Variants in GALNT18 observed in about 807,000 individuals in gnomAD.
GALNT18 encodes GalNAc-transferase 18.
In GALNT18, 44 loss-of-function variants were observed where a neutral mutation model predicts 69.5. The observed-to-expected ratio is 0.63, with a 90% CI of 0.50 to 0.81. GALNT18 has a LOEUF of 0.81. GALNT18 is among the 40% of genes least tolerant of loss of function. The pLI is 0.00. For missense variants in GALNT18, 715 were observed against 810.0 expected, an observed-to-expected ratio of 0.88 and a Z score of 1.42; for synonymous variants, 364 against 318.2, an observed-to-expected ratio of 1.14 and a Z score of -1.53.
chr11:11,608,115 A>G (rs1013870364), intron 1 of GALNT18, among the ~76,000 whole-genome samples: 1 of 152,166 alleles, frequency 6.6e-6, no homozygotes, highest in African/African-American at 2.4e-5. Context: ...GCTCCCCTGG[A>G]GCCTAACTTA....
intron 9 of GALNT18, among the ~76,000 whole-genome samples, chr11:11,325,939 C>T (rs768683540): frequency 3.9e-5 from 6 of 152,004 alleles, no homozygotes; most frequent in Non-Finnish European, 7.4e-5. Flanking sequence ...GTGACATACA[C>T]GTCATGATGT....
rs1031621683 is a variant in GALNT18 at position 11,338,971 on chromosome 11, A to G, written c.1278+1848T>C. ...AATCCTATAGGTTAAAGACCTTAAAATGTCCATTAAATTAAGCATTTGGGA... is the reference window on the plus strand; with the variant it reads ...AATCCTATAGGTTAAAGACCTTAAAGTGTCCATTAAATTAAGCATTTGGGA... On this transcript the variant is annotated intron_variant, in intron 7 of 10. Coordinates refer to ENST00000227756, the MANE Select transcript of GALNT18 (RefSeq NM_198516.3). This position sits in a 1 kb window ranked among gnomAD's most constrained non-coding sequence, Gnocchi z 5.3. 1.4e-4 allele frequency among the ~76,000 whole-genome samples: 21 copies of G among 152,136 alleles called. No individual in the cohort carries two copies. Among genetic ancestry groups the G allele is most frequent in the Non-Finnish European group, 2.9e-4 (20 of 68,020 alleles).
At chr11:11,271,738 A>G (rs1376044553) in intron 10 of GALNT18, among the ~76,000 whole-genome samples, 3 of 152,160 alleles carry the variant, frequency 2.0e-5, no homozygotes, top group African/African-American at 7.2e-5. Flanking sequence ...GGAGTCATCA[A>G]TACTGGTTTC....
At chr11:11,468,873 A>G (rs944648847) in intron 1 of GALNT18, among the ~76,000 whole-genome samples, 1 of 152,252 alleles carries the variant, frequency 6.6e-6, no homozygotes, top group Non-Finnish European at 1.5e-5. Flanking sequence ...CAGGAGTCCA[A>G]CAGGCTCCCT....
At position 11,511,334 on chromosome 11, in the gene GALNT18, C is replaced by A. The variant is rs1264740588; in HGVS notation, c.236-62398G>T. 6.6e-6 allele frequency among the ~76,000 whole-genome samples: 1 copy of A among 152,154 alleles called. No individual in the cohort carries two copies. Among genetic ancestry groups the A allele is most frequent in the Admixed American group, 6.5e-5 (1 of 15,280 alleles). Reference sequence around the variant, plus strand: ...ACTGCCACCAGGCCCTGGTCTCAGACCTTACACACTGGTCTGCAAAGAGCT... The same window carrying A: ...ACTGCCACCAGGCCCTGGTCTCAGAACTTACACACTGGTCTGCAAAGAGCT... On this transcript the variant is annotated intron_variant, in intron 1 of 10. Transcript: ENST00000227756. This position sits in a 1 kb window ranked among gnomAD's most constrained non-coding sequence, Gnocchi z 4.9.
rs112221653 is a variant in GALNT18 at position 11,372,856 on chromosome 11, A to G, written c.978-227T>C. Among the ~76,000 whole-genome samples, 156 of 152,258 alleles carry G rather than the reference A, an allele frequency of 1.0e-3. No individual in the cohort carries two copies. Among genetic ancestry groups the G allele is most frequent in the African/African-American group, 3.6e-3 (149 of 41,552 alleles). On this transcript the variant is annotated intron_variant, in intron 5 of 10. Transcript: ENST00000227756. This position sits in a 1 kb window ranked among gnomAD's most constrained non-coding sequence, Gnocchi z 4.9. ...GACAGCTGCCATCCTGGGATCAGCT[A>G]TTAGTGGGGTGGTGCTTGTGTGTGT...
intron 1 of GALNT18, among the ~76,000 whole-genome samples, chr11:11,456,000 G>T (rs1855916886): frequency 6.6e-6 from 1 of 152,108 alleles, no homozygotes; most frequent in Non-Finnish European, 1.5e-5. Context: ...GAGGTAGGAG[G>T]ATCACTTCAG....
intron 1 of GALNT18, among the ~76,000 whole-genome samples, chr11:11,504,602 C>T (rs1857034919): frequency 6.6e-6 from 1 of 151,782 alleles, no homozygotes; most frequent in Non-Finnish European, 1.5e-5. Flanking sequence ...ATAAAAAATA[C>T]AAAAAATTAG....
intron 3 of GALNT18, among the ~76,000 whole-genome samples, chr11:11,431,514 C>T (rs912869973): frequency 3.3e-5 from 5 of 152,142 alleles, no homozygotes; most frequent in East Asian, 1.9e-4. Flanking sequence ...TTCATGTCCA[C>T]GGAACAATGA....
At chr11:11,316,391 G>C (rs1020077536) in intron 9 of GALNT18, among the ~76,000 whole-genome samples, 1 of 152,182 alleles carries the variant, frequency 6.6e-6, no homozygotes, top group African/African-American at 2.4e-5. Context: ...GAGATGTGAC[G>C]TGAAAGATAT....
chr11:11,553,600 A>G (rs1349623272), intron 1 of GALNT18, among the ~76,000 whole-genome samples: 1 of 152,070 alleles, frequency 6.6e-6, no homozygotes, highest in African/African-American at 2.4e-5. Flanking sequence ...TTCAAAACTC[A>G]CTGAAGGAGA....
chr11:11,271,776 C>G (rs11021738), intron 10 of GALNT18, among the ~76,000 whole-genome samples: 31,919 of 152,176 alleles, frequency 0.21, 3,439 homozygotes, highest in South Asian at 0.25. Context: ...TGGTTACTGT[C>G]TCTTAGGCCA....
chr11:11,465,485 G>A lies in GALNT18; in HGVS notation c.236-16549C>T, dbSNP rs570771108. On this transcript the variant is annotated intron_variant, in intron 1 of 10. Transcript: ENST00000227756. The surrounding 1 kb of genome is among the most constrained non-coding windows in gnomAD (Gnocchi z 5.7). Reference sequence around the variant, plus strand: ...CCTCTGATCCTGGGGCTCGTGATCCGTATCCATGGCAGCTCAGTAGCCACA... The same window carrying A: ...CCTCTGATCCTGGGGCTCGTGATCCATATCCATGGCAGCTCAGTAGCCACA... 4.6e-5 allele frequency among the ~76,000 whole-genome samples: 7 copies of A among 152,272 alleles called. No individual in the cohort carries two copies. Among genetic ancestry groups the A allele is most frequent in the East Asian group, 1.9e-4 (1 of 5,170 alleles).
At chr11:11,569,867 AAC>A (rs1858744219) in intron 1 of GALNT18, among the ~76,000 whole-genome samples, 2 of 152,258 alleles carry the variant, frequency 1.3e-5, no homozygotes, top group East Asian at 3.9e-4. Flanking sequence ...AGGGAACTGA[AAC>A]AGAGAGAGAG....
chr11:11,496,293 GTTCA>G lies in GALNT18; in HGVS notation c.236-47361_236-47358del, dbSNP rs1375172522. The stretch of plus-strand genomic sequence containing the variant: ...AAAAATGACAGGCCCCTCTTCTGTG[GTTCA>G]CCTATCACCAAAAACCCTAGCATCA... On this transcript the variant is annotated intron_variant, in intron 1 of 10. Transcript: ENST00000227756. This position sits in a 1 kb window ranked among gnomAD's most constrained non-coding sequence, Gnocchi z 4.0. Among the ~76,000 whole-genome samples the G allele has an allele frequency of 1.0e-3, 154 of 152,220 alleles. No homozygotes were observed. The highest frequency in any genetic ancestry group is 3.5e-3 in the African/African-American group (146 of 41,526).
intron 3 of GALNT18, among the ~76,000 whole-genome samples, chr11:11,398,290 AT>A (rs1443094059): frequency 6.6e-6 from 1 of 152,180 alleles, no homozygotes; most frequent in Non-Finnish European, 1.5e-5. Flanking sequence ...TGCTCTGGGC[AT>A]TACTACCTTG....
At chr11:11,292,928 C>G in intron 10 of GALNT18, 101 bp downstream of exon 10, 1 of 1,114,740 alleles carries the variant, frequency 9.0e-7, no homozygotes, top group Non-Finnish European at 1.2e-6. Context: ...GTCTGTCTCT[C>G]CTTCCCCTTC....
At chr11:11,557,243 T>C (rs1395118069) in intron 1 of GALNT18, among the ~76,000 whole-genome samples, 1 of 152,204 alleles carries the variant, frequency 6.6e-6, no homozygotes, top group Non-Finnish European at 1.5e-5. Flanking sequence ...GAGTTTTATG[T>C]TATATTCATT....
chr11:11,340,993 A>G lies in GALNT18; in HGVS notation c.1104T>C (p.Cys368=), dbSNP rs1850195641. 3.1e-6 allele frequency: 5 copies of G among 1,601,092 alleles called. No homozygotes were observed. In the Admixed American group the frequency reaches 5.1e-5, roughly 16 times the overall value. The change falls in exon 7 of 11, where the codon TGT becomes TGC. Residue 368 remains cysteine (C), a synonymous_variant. Coordinates refer to ENST00000227756, the MANE Select transcript of GALNT18 (RefSeq NM_198516.3). This position sits in a 1 kb window ranked among gnomAD's most constrained non-coding sequence, Gnocchi z 4.2. ...AGGGCAGGACCTCCACACTCCCGCC[A>G]CACTGCCACACCTGCAGAAGACATG... ...NVELGIRVWQ[C]GGSVEVLPCS...
Sources: gnomAD v4.1 joint callset for allele counts (sites outside exome capture counted in the v4.1 genomes callset) on GRCh38, gnomAD v4.1.1 for gene constraint, Gnocchi (gnomAD v3.1) non-coding constraint, MANE v1.5 for transcripts, NCBI Gene and HGNC (gene_info 2026-07-23, HGNC 2026-07-21) for gene names.